PTPRD: variants seen among roughly 807,000 people sequenced by gnomAD.
PTPRD encodes protein tyrosine phosphatase receptor type D.
Under a neutral mutation model 214.5 loss-of-function variants are expected in PTPRD, and 34 were observed. That is an observed-to-expected ratio of 0.16 (90% CI 0.12 to 0.21). PTPRD has a LOEUF of 0.21. PTPRD is among the 10% of genes least tolerant of loss of function. The pLI is 1.00. For missense variants in PTPRD, 2,545 were observed against 2,398.7 expected (o/e 1.06, Z -1.27); for synonymous variants, 1,128 against 845.7 (o/e 1.33, Z -5.79).
At chr9:9,158,340 G>A (rs10977536) in intron 10 of PTPRD, among the ~76,000 whole-genome samples, 44,361 of 151,944 alleles carry the variant, frequency 0.29, 7,047 homozygotes, top group Non-Finnish European at 0.36. Flanking sequence ...CTAGACTCAC[G>A]CCTGTAATCC....
chr9:9,341,401 T>TTAG (rs2046756613), intron 9 of PTPRD, among the ~76,000 whole-genome samples: 1 of 152,126 alleles, frequency 6.6e-6, no homozygotes, highest in Non-Finnish European at 1.5e-5. Flanking sequence ...CAGGTGTCTG[T>TTAG]TAGTACCCCA....
At chr9:9,852,934 G>C (rs1031315646) in intron 5 of PTPRD, among the ~76,000 whole-genome samples, 1 of 152,244 alleles carries the variant, frequency 6.6e-6, no homozygotes, top group East Asian at 1.9e-4. Context: ...GAATCAGCTG[G>C]ATATCTAATG....
chr9:9,275,143 A>G (rs1392416595), intron 9 of PTPRD, among the ~76,000 whole-genome samples: 1 of 66,922 alleles, frequency 1.5e-5, no homozygotes, highest in Non-Finnish European at 2.5e-5. Flanking sequence ...TATAATATAT[A>G]TATAATATAT....
intron 11 of PTPRD, among the ~76,000 whole-genome samples, chr9:8,974,353 T>C (rs10977417): frequency 0.49 from 74,477 of 151,818 alleles, 18,760 homozygotes; most frequent in East Asian, 0.76. Context: ...TTAAAAAAAT[T>C]ACAGTTCTAC....
chr9:8,460,225 A>C (rs1347243916), intron 33 of PTPRD, 186 bp downstream of exon 33: 4 of 745,740 alleles, frequency 5.4e-6, no homozygotes, highest in Non-Finnish European at 6.7e-6. Flanking sequence ...AAACTGAATA[A>C]GATTCCAAAT....
intron 8 of PTPRD, among the ~76,000 whole-genome samples, chr9:9,440,239 C>T: frequency 6.6e-6 from 1 of 152,082 alleles, no homozygotes; most frequent in East Asian, 1.9e-4. Flanking sequence ...AAATATTCAG[C>T]TTGGAATGTT....
intron 4 of PTPRD, among the ~76,000 whole-genome samples, chr9:10,012,874 T>G (rs915382508): frequency 1.3e-5 from 2 of 151,892 alleles, no homozygotes; most frequent in Non-Finnish European, 2.9e-5. Context: ...ACAGAAGACA[T>G]ACAACCCAGC....
chr9:9,492,223 A>G (rs1277469354), intron 8 of PTPRD, among the ~76,000 whole-genome samples: 3 of 151,756 alleles, frequency 2.0e-5, no homozygotes, highest in Non-Finnish European at 4.4e-5. Flanking sequence ...TAGACCTATA[A>G]CTAGCAAAAA....
rs1463648315 is a variant in PTPRD, at chr9:9,060,764, C to T, written c.-142-42029G>A. On this transcript the variant is annotated intron_variant, in intron 10 of 45. Coordinates refer to ENST00000381196, the MANE Select transcript of PTPRD (RefSeq NM_002839.4). ...GGCATTCACCGAGTGTCGTAACCTACTCACTATAATGGTTAAAATCAAAGT... is the reference window on the plus strand; with the variant it reads ...GGCATTCACCGAGTGTCGTAACCTATTCACTATAATGGTTAAAATCAAAGT... Among the ~76,000 whole-genome samples the T allele has an allele frequency of 3.9e-5, 6 of 152,122 alleles. No homozygotes were observed. In the South Asian group the frequency reaches 1.0e-3, roughly 26 times the overall value.
chr9:9,060,369 T>G (rs1034195460), intron 10 of PTPRD, among the ~76,000 whole-genome samples: 2 of 152,068 alleles, frequency 1.3e-5, no homozygotes, highest in Admixed American at 6.6e-5. Flanking sequence ...TAGAAGAATT[T>G]TACAACATAA....
chr9:10,096,169 T>C (rs964806562), intron 3 of PTPRD, among the ~76,000 whole-genome samples: 4 of 151,702 alleles, frequency 2.6e-5, no homozygotes, highest in Non-Finnish European at 5.9e-5. Context: ...TTATTTCTTC[T>C]ACGGTACACT....
chr9:8,486,152 C>T lies in PTPRD; in HGVS notation c.2665G>A (p.Ala889Thr), dbSNP rs766965829. The change falls in exon 28 of 46, where the codon GCA becomes ACA. Residue 889 changes from alanine to threonine, a missense_variant. Coordinates refer to ENST00000381196, the MANE Select transcript of PTPRD (RefSeq NM_002839.4). The stretch of plus-strand genomic sequence containing the variant: ...GCTGAGAGCCTGAAGACGTATGATG[C>T]TCCCTTGTGGATGTCTGTAGCTGTA... ...HFTATDIHKG[A>T]SYVFRLSARN... 2 of 1,614,184 alleles carry T rather than the reference C, an allele frequency of 1.2e-6. No homozygotes were observed. Among genetic ancestry groups the T allele is most frequent in the Non-Finnish European group, 1.7e-6 (2 of 1,180,026 alleles).
At chr9:8,633,654 T>C (rs747965361) in intron 13 of PTPRD, among the ~76,000 whole-genome samples, 196 bp from the exon 14 acceptor site, 1 of 152,092 alleles carries the variant, frequency 6.6e-6, no homozygotes, top group Non-Finnish European at 1.5e-5. Flanking sequence ...GAGAAAGATA[T>C]GCAACTACAT....
chr9:10,166,301 G>A (rs1431047602), intron 3 of PTPRD, among the ~76,000 whole-genome samples: 1 of 148,706 alleles, frequency 6.7e-6, no homozygotes, highest in Non-Finnish European at 1.5e-5. Flanking sequence ...TTGAAAGCCT[G>A]CATCTGTCTA....
rs1431665098 is a variant in PTPRD, at chr9:10,555,656, A to G, written c.-600+56742T>C. 1.3e-5 allele frequency among the ~76,000 whole-genome samples: 2 copies of G among 152,218 alleles called. 1 individual carries two copies. The highest frequency in any genetic ancestry group is 2.9e-5 in the Non-Finnish European group (2 of 68,030). ...TGTATTCCTTTTTGCACACAGACAA[A>G]TCCTTTTTATTACATGAAAACAAAT... On this transcript the variant is annotated intron_variant, in intron 2 of 45. Transcript: ENST00000381196.
chr9:9,022,649 C>T (rs185727577), intron 10 of PTPRD, among the ~76,000 whole-genome samples: 26 of 152,190 alleles, frequency 1.7e-4, no homozygotes, highest in Non-Finnish European at 1.3e-4. Context: ...TTTCTCAGAA[C>T]GTATTCTTGT....
intron 8 of PTPRD, among the ~76,000 whole-genome samples, chr9:9,566,019 T>C (rs1322911194): frequency 6.6e-6 from 1 of 152,024 alleles, no homozygotes; most frequent in East Asian, 1.9e-4. Context: ...GAATCATTTA[T>C]TGGCTGCCTC....
intron 14 of PTPRD, among the ~76,000 whole-genome samples, chr9:8,565,730 C>T (rs1334743242): frequency 3.9e-5 from 6 of 152,128 alleles, no homozygotes; most frequent in African/African-American, 1.4e-4. Context: ...GCTAAAGATC[C>T]TAAAATATTT....
intron 2 of PTPRD, among the ~76,000 whole-genome samples, chr9:10,593,285 C>G (rs1326436099): frequency 6.6e-6 from 1 of 151,872 alleles, no homozygotes. Context: ...CGAACAAGCT[C>G]CCAGGAGATA....
Sources: allele counts gnomAD v4.1 joint callset (sites outside exome capture counted in the v4.1 genomes callset), GRCh38; gene constraint gnomAD v4.1.1; transcripts MANE v1.5; gene names NCBI Gene and HGNC (gene_info 2026-07-23, HGNC 2026-07-21).